ADAM12: variants seen among roughly 807,000 people sequenced by gnomAD.
ADAM12 encodes disintegrin and metalloproteinase domain-containing protein 12.
In ADAM12, 70 loss-of-function variants were observed where a neutral mutation model predicts 106.4. The ratio of observed to expected loss-of-function variants is 0.66; its 90% CI spans 0.54 to 0.80. ADAM12 has a LOEUF of 0.80. ADAM12 is among the 30% of genes least tolerant of loss of function. The pLI is 0.00. For synonymous variants in ADAM12, 420 were observed against 433.5 expected, an observed-to-expected ratio of 0.97 and a Z score of 0.39; for missense variants, 1,010 against 1,171.9, an observed-to-expected ratio of 0.86 and a Z score of 2.02.
chr10:126,350,887 G>T lies in ADAM12; in HGVS notation c.89-20378C>A, dbSNP rs563368409. On this transcript the variant is annotated intron_variant, in intron 1 of 22. Coordinates refer to ENST00000448723, the MANE Select transcript of ADAM12 (RefSeq NM_001288973.2). ...CCTTGCCATGGGTACCTCAGATCCA[G>T]AGTATCCTGTGACCTGAACTGCTGC... Among the ~76,000 whole-genome samples the T allele has an allele frequency of 2.6e-5, 4 of 152,302 alleles. No individual in the cohort carries two copies. The East Asian group carries it at 7.7e-4, about 30-fold the overall frequency.
chr10:126,343,035 A>G (rs899386300), intron 1 of ADAM12, among the ~76,000 whole-genome samples: 5 of 152,008 alleles, frequency 3.3e-5, no homozygotes, highest in Non-Finnish European at 7.4e-5. Context: ...ATAGCCAATC[A>G]TTATATTTTT....
At chr10:126,321,301 A>AT (rs34842578) in intron 2 of ADAM12, among the ~76,000 whole-genome samples, 65 of 151,706 alleles carry the variant, frequency 4.3e-4, no homozygotes, top group African/African-American at 1.1e-3. Flanking sequence ...TTAAAATATG[A>AT]TTTTTTTTTC....
chr10:126,158,271 G>C (rs1337210645), intron 3 of ADAM12, among the ~76,000 whole-genome samples: 1 of 152,132 alleles, frequency 6.6e-6, no homozygotes, highest in Non-Finnish European at 1.5e-5. Flanking sequence ...AGCACAGGGA[G>C]AGAATGCACA....
intron 3 of ADAM12, among the ~76,000 whole-genome samples, chr10:126,191,295 A>G (rs889587252): frequency 2.0e-5 from 3 of 151,872 alleles, no homozygotes; most frequent in Non-Finnish European, 2.9e-5. Flanking sequence ...GGCCCAGTCT[A>G]TGAGGAGCCT....
intron 2 of ADAM12, among the ~76,000 whole-genome samples, chr10:126,297,574 G>C (rs546361881): frequency 1.8e-4 from 27 of 152,112 alleles, no homozygotes; most frequent in Non-Finnish European, 3.8e-4. Flanking sequence ...GCAAAACAAC[G>C]TGGGAACCAC....
At position 126,066,579 on chromosome 10, in the gene ADAM12, T is replaced by A; in HGVS notation, c.1413+138A>T. 1 of 744,150 alleles carries A rather than the reference T, an allele frequency of 1.3e-6. No homozygotes were observed. Among genetic ancestry groups the A allele is most frequent in the South Asian group, 1.7e-5 (1 of 57,266 alleles). 46.1% of individuals were successfully genotyped at this position (744,150 alleles called of 1,614,324 possible). ...ACAGTAAGAGGTGGGTAACACCAACTGGCGTGAGAAGGAGGGATGGTGCGT... is the reference window on the plus strand; with the variant it reads ...ACAGTAAGAGGTGGGTAACACCAACAGGCGTGAGAAGGAGGGATGGTGCGT... On this transcript the variant is annotated intron_variant, in intron 13 of 22. Coordinates refer to ENST00000448723, the MANE Select transcript of ADAM12 (RefSeq NM_001288973.2). The surrounding 1 kb of genome is among the most constrained non-coding windows in gnomAD (Gnocchi z 5.1).
At chr10:126,132,752 C>T (rs374075769) in intron 5 of ADAM12, among the ~76,000 whole-genome samples, 1 of 152,102 alleles carries the variant, frequency 6.6e-6, no homozygotes, top group Non-Finnish European at 1.5e-5. Context: ...ACCTGTCCAT[C>T]GTCACACAGC....
At chr10:126,183,410 C>T (rs1042242565) in intron 3 of ADAM12, among the ~76,000 whole-genome samples, 5 of 152,158 alleles carry the variant, frequency 3.3e-5, no homozygotes, top group South Asian at 2.1e-4. Flanking sequence ...CACCCGTGTG[C>T]GAGCAGGGCG....
intron 10 of ADAM12, among the ~76,000 whole-genome samples, chr10:126,095,921 T>C (rs1026996282): frequency 1.1e-4 from 16 of 152,232 alleles, no homozygotes; most frequent in African/African-American, 3.6e-4. Context: ...GAGAGCACAC[T>C]GATACAGTCT....
intron 3 of ADAM12, among the ~76,000 whole-genome samples, chr10:126,267,985 T>C (rs1052230934): frequency 6.6e-6 from 1 of 152,156 alleles, no homozygotes; most frequent in Non-Finnish European, 1.5e-5. Flanking sequence ...ATAAAATTTA[T>C]AATTTTAACC....
intron 3 of ADAM12, among the ~76,000 whole-genome samples, chr10:126,232,663 C>A (rs886676907): frequency 1.3e-5 from 2 of 152,174 alleles, no homozygotes; most frequent in African/African-American, 4.8e-5. Context: ...TAGATATCAA[C>A]CTTTCATCAG....
intron 2 of ADAM12, among the ~76,000 whole-genome samples, chr10:126,307,974 AGAT>A (rs1382363837): frequency 1.3e-5 from 2 of 152,188 alleles, no homozygotes; most frequent in Non-Finnish European, 2.9e-5. Context: ...TAAAGGATCC[AGAT>A]GATTTTCCCA....
At chr10:126,188,095 G>A (rs929081453) in intron 3 of ADAM12, among the ~76,000 whole-genome samples, 12 of 152,198 alleles carry the variant, frequency 7.9e-5, no homozygotes, top group African/African-American at 2.9e-4. Context: ...ATGTGACAAA[G>A]AACTTCTGGA....
intron 5 of ADAM12, among the ~76,000 whole-genome samples, chr10:126,125,665 T>TC (rs1033530056): frequency 2.0e-5 from 3 of 151,442 alleles, no homozygotes; most frequent in East Asian, 2.0e-4. Context: ...TTGAATAGTG[T>TC]CCCCCCCAGC....
intron 2 of ADAM12, among the ~76,000 whole-genome samples, chr10:126,295,548 T>TACACACACACACACATACAC (rs1555007157): frequency 6.1e-5 from 9 of 146,532 alleles, no homozygotes; most frequent in East Asian, 2.0e-4. Flanking sequence ...CACACACACA[T>TACACACACACACACATACAC]ACACACACAC....
chr10:126,038,952 CTTTTTTTT>C (rs34277276), intron 19 of ADAM12, among the ~76,000 whole-genome samples: 1,011 of 71,646 alleles, frequency 0.014, 13 homozygotes, highest in Middle Eastern at 0.095. Context: ...GACACCATTT[CTTTTTTTT>C]TTTTTTTTTT....
intron 3 of ADAM12, among the ~76,000 whole-genome samples, chr10:126,197,609 T>G (rs1483470569): frequency 6.6e-6 from 1 of 152,190 alleles, no homozygotes; most frequent in African/African-American, 2.4e-5. Flanking sequence ...AATGACTGAT[T>G]TAAGGAAGGC....
At chr10:126,048,563 A>G (rs1954388119) in intron 16 of ADAM12, among the ~76,000 whole-genome samples, 3 of 152,008 alleles carry the variant, frequency 2.0e-5, no homozygotes, top group Admixed American at 6.6e-5. Context: ...TTTCAAGACC[A>G]TGTTGAAAAT....
chr10:126,113,724 ATATATAT>A (rs1565067840), intron 6 of ADAM12, among the ~76,000 whole-genome samples: 1,690 of 40,710 alleles, frequency 0.042, 132 homozygotes, highest in Middle Eastern at 0.05. Flanking sequence ...ATATATATAT[ATATATAT>A]AATATATTGC....
Sources: gnomAD v4.1 joint callset for allele counts (sites outside exome capture counted in the v4.1 genomes callset) on GRCh38, gnomAD v4.1.1 for gene constraint, Gnocchi (gnomAD v3.1) non-coding constraint, MANE v1.5 for transcripts, NCBI Gene and HGNC (gene_info 2026-07-23, HGNC 2026-07-21) for gene names.